CDK12: variants seen among roughly 807,000 people sequenced by gnomAD.
CDK12 encodes the protein cyclin dependent kinase 12, also known as cyclin-dependent kinase 12.
Under a neutral mutation model 133.8 loss-of-function variants are expected in CDK12, and 17 were observed. The observed-to-expected ratio is 0.13, with a 90% CI of 0.09 to 0.19. CDK12 has a LOEUF of 0.19. Among genes scored for constraint, CDK12 ranks in the 10% least tolerant of loss-of-function variants. The probability of loss-of-function intolerance (pLI) is 1.00; values close to 1 mark genes in which losing one functional copy is unlikely to be tolerated. For synonymous variants in CDK12, 694 were observed against 683.6 expected, an observed-to-expected ratio of 1.02 and a Z score of -0.24; for missense variants, 1,508 against 1,818.7, an observed-to-expected ratio of 0.83 and a Z score of 3.11.
intron 2 of CDK12, among the ~76,000 whole-genome samples, chr17:39,485,578 A>G (rs1418446089): frequency 1.3e-5 from 2 of 151,814 alleles, no homozygotes; most frequent in African/African-American, 4.8e-5. Flanking sequence ...ACGCCTGGCT[A>G]ATTTTTTTTG....
At chr17:39,487,884 G>A (rs2051268661) in intron 2 of CDK12, among the ~76,000 whole-genome samples, 1 of 151,942 alleles carries the variant, frequency 6.6e-6, no homozygotes, top group Non-Finnish European at 1.5e-5. Flanking sequence ...CAAAGTGTTG[G>A]TATTACGGGC....
At chr17:39,498,291 C>G (rs907234740) in intron 5 of CDK12, among the ~76,000 whole-genome samples, 3 of 151,670 alleles carry the variant, frequency 2.0e-5, no homozygotes, top group Non-Finnish European at 2.9e-5. Flanking sequence ...GTGGTGTGAT[C>G]TCGACTCACT....
intron 2 of CDK12, among the ~76,000 whole-genome samples, chr17:39,481,795 A>G (rs564863619): frequency 2.5e-4 from 37 of 150,350 alleles, no homozygotes; most frequent in Non-Finnish European, 4.7e-4. Flanking sequence ...ATCTCGGCAC[A>G]CTGCAACCTC....
chr17:39,537,545 TTTTATTTATTTATTTA>T (rs370963468), downstream of CDK12, among the ~76,000 whole-genome samples: 20 of 142,562 alleles, frequency 1.4e-4, no homozygotes, highest in South Asian at 4.3e-4. Flanking sequence ...AATTCCTTAT[TTTTATTTATTTATTTA>T]TTTATTTATT....
At chr17:39,463,552 A>G (rs574004839) in intron 1 of CDK12, among the ~76,000 whole-genome samples, 4 of 152,212 alleles carry the variant, frequency 2.6e-5, no homozygotes, top group African/African-American at 9.6e-5. Context: ...TGCCTAGTTT[A>G]TCCTATTTGT....
Position 39,531,991 on chromosome 17 carries a change from G to A in CDK12, c.*675G>A, listed in dbSNP as rs2054870588. On this transcript the variant is annotated 3_prime_UTR_variant, in exon 14 of 14. Coordinates refer to ENST00000447079, the MANE Select transcript of CDK12 (RefSeq NM_016507.4). The stretch of plus-strand genomic sequence containing the variant: ...TTTACTCCACTTTGACAAAAGATAC[G>A]CCCTTCTCCCTGCACATAAAGCAGG... The A allele has an allele frequency of 1.3e-5, 3 of 233,396 alleles. No individual in the cohort carries two copies. The highest frequency in any genetic ancestry group is 2.2e-5 in the African/African-American group (1 of 45,186). 14.5% of individuals were successfully genotyped at this position (233,396 alleles called of 1,614,324 possible).
chr17:39,527,956 C>T (rs1000482365), intron 13 of CDK12, among the ~76,000 whole-genome samples: 9 of 152,164 alleles, frequency 5.9e-5, no homozygotes, highest in African/African-American at 2.2e-4. Flanking sequence ...CTCTCTGTCA[C>T]CCAGGCTGGA....
upstream of CDK12, chr17:39,544,184 A>G (rs1014968834): frequency 1.0e-5 from 5 of 476,668 alleles, no homozygotes; most frequent in South Asian, 4.6e-5. Flanking sequence ...TGCAAGACCA[A>G]AGATGTTCTT....
downstream of CDK12, among the ~76,000 whole-genome samples, chr17:39,537,565 A>G (rs1567801094): frequency 6.8e-6 from 1 of 147,926 alleles, no homozygotes; most frequent in Admixed American, 6.7e-5. Context: ...TTATTTATTT[A>G]TTTATTTATT....
chr17:39,506,271 A>C (rs1019005756), intron 6 of CDK12, among the ~76,000 whole-genome samples: 1 of 128,802 alleles, frequency 7.8e-6, no homozygotes, highest in Non-Finnish European at 1.5e-5. Flanking sequence ...GCTGGAATGT[A>C]GTGGCGCTAT....
At chr17:39,476,610 G>A (rs1162595906) in intron 2 of CDK12, among the ~76,000 whole-genome samples, 2 of 149,150 alleles carry the variant, frequency 1.3e-5, no homozygotes, top group African/African-American at 4.9e-5. Context: ...AATGGGTTTC[G>A]CCCTGTTGGC....
chr17:39,475,104 G>A (rs2050093774), intron 2 of CDK12, among the ~76,000 whole-genome samples: 1 of 151,812 alleles, frequency 6.6e-6, no homozygotes. Flanking sequence ...CAAAGTGCTG[G>A]GATTACAGGC....
chr17:39,515,676 C>A, intron 8 of CDK12, 55 bp from the exon 9 acceptor site: 3 of 1,246,216 alleles, frequency 2.4e-6, no homozygotes, highest in Non-Finnish European at 3.5e-6. Flanking sequence ...TTTTGAGACA[C>A]TTTAAATAGG....
chr17:39,524,765 T>A lies in CDK12; in HGVS notation c.3187T>A (p.Ser1063Thr). The A allele has an allele frequency of 6.2e-7, 1 of 1,614,142 alleles. No homozygotes were observed. The change falls in exon 12 of 14, where the codon TCC (serine) becomes ACC (threonine). Residue 1063 changes from serine to threonine, a missense_variant. Coordinates refer to ENST00000447079, the MANE Select transcript of CDK12 (RefSeq NM_016507.4). ...SGVVVEEPPPSKTSRKETTSG... is the reference protein window; with the variant it reads ...SGVVVEEPPPTKTSRKETTSG... Reference sequence around the variant, plus strand: ...TGTTGTAGTCGAAGAGCCACCTCCATCCAAAACTTCTCGAAAAGAAACTAC... The same window carrying A: ...TGTTGTAGTCGAAGAGCCACCTCCAACCAAAACTTCTCGAAAAGAAACTAC...
At chr17:39,551,506 T>A (rs760603569) in intron 2 of CDK12, among the ~76,000 whole-genome samples, 3 of 152,186 alleles carry the variant, frequency 2.0e-5, no homozygotes, top group Non-Finnish European at 4.4e-5. Context: ...TTTGAAATCT[T>A]ACCACATATT....
Position 39,471,593 on chromosome 17 carries a change from T to A in CDK12, c.1761T>A (p.Ser587=). Residue 587 remains serine, a synonymous_variant, in exon 2 of 14, where the codon TCT becomes TCA. Coordinates refer to ENST00000447079, the MANE Select transcript of CDK12 (RefSeq NM_016507.4). ...CCAGTACTTCAACTTTGCCCCCTTC[T>A]ACTCACTCAAAGACATCTGCTGTGT... ...PASSTSTLPP[S]THSKTSAVSS... The A allele has an allele frequency of 6.2e-7, 1 of 1,614,136 alleles. No homozygotes were observed. The highest frequency in any genetic ancestry group is 8.5e-7 in the Non-Finnish European group (1 of 1,180,020).
intron 5 of CDK12, among the ~76,000 whole-genome samples, chr17:39,497,821 T>A (rs1182601295): frequency 6.6e-6 from 1 of 151,986 alleles, no homozygotes; most frequent in African/African-American, 2.4e-5. Flanking sequence ...CACAGGCTGG[T>A]CTCTAACTCC....
chr17:39,490,483 A>G (rs2051502339), intron 2 of CDK12, 74 bp from the exon 3 acceptor site: 1 of 1,041,330 alleles, frequency 9.6e-7, no homozygotes, highest in Non-Finnish European at 1.4e-6. Flanking sequence ...GTAACCAGGC[A>G]TTATGATCTT....
chr17:39,498,894 T>C (rs143628235), intron 5 of CDK12, among the ~76,000 whole-genome samples: 66 of 90 alleles, frequency 0.73, 26 homozygotes, highest in East Asian at 0.92. Flanking sequence ...TTTCTTTCTT[T>C]CTTTCTTTCT....
Sources: allele counts gnomAD v4.1 joint callset (sites outside exome capture counted in the v4.1 genomes callset), GRCh38; gene constraint gnomAD v4.1.1; transcripts MANE v1.5; gene names NCBI Gene and HGNC (gene_info 2026-07-23, HGNC 2026-07-21).